Variants in BCL11A observed in about 807,000 individuals in gnomAD.
BCL11A encodes BCL11 transcription factor A.
BCL11A carries 2 observed loss-of-function variants against 55.9 expected under a neutral mutation model. The observed-to-expected ratio is 0.04, with a 90% CI of 0.01 to 0.11. BCL11A has a LOEUF of 0.11. Among genes scored for constraint, BCL11A ranks in the 10% least tolerant of loss-of-function variants. BCL11A has a pLI of 1.00. For synonymous variants in BCL11A, 465 were observed against 473.4 expected (o/e 0.98, Z 0.23); for missense variants, 817 against 1,137.1 (o/e 0.72, Z 4.05).
downstream of BCL11A, chr2:60,452,400 T>C: frequency 3.6e-6 from 2 of 550,868 alleles, no homozygotes; most frequent in Non-Finnish European, 3.2e-6. Context: ...TTAAAAAATA[T>C]AAATAAAATG....
intron 2 of BCL11A, among the ~76,000 whole-genome samples, chr2:60,498,992 G>T (rs140395592): frequency 6.6e-6 from 1 of 152,206 alleles, no homozygotes; most frequent in Non-Finnish European, 1.5e-5. Flanking sequence ...CAGGGCCAGT[G>T]TTTCTTCTTC....
chr2:60,502,502 C>T (rs1679348999), intron 2 of BCL11A, among the ~76,000 whole-genome samples: 1 of 152,218 alleles, frequency 6.6e-6, no homozygotes, highest in Non-Finnish European at 1.5e-5. Context: ...TTTGTACATA[C>T]AATTCTGGGA....
At chr2:60,525,928 C>A (rs1319403078) in intron 2 of BCL11A, 1 of 152,182 alleles carries the variant, frequency 6.6e-6, no homozygotes, top group Non-Finnish European at 1.5e-5. Context: ...ATGTTATCTT[C>A]TTCCTTCATT....
At chr2:60,494,594 A>T (rs984568671) in intron 2 of BCL11A, among the ~76,000 whole-genome samples, 119 of 152,192 alleles carry the variant, frequency 7.8e-4, no homozygotes, top group Admixed American at 3.3e-4. Flanking sequence ...ATGACAAATA[A>T]CTCCTAGCTC....
Position 60,458,659 on chromosome 2 carries a change from T to C in BCL11A, c.*1745A>G. The C allele has an allele frequency of 9.7e-7, 1 of 1,031,938 alleles. No homozygotes were observed. 63.9% of individuals were successfully genotyped at this position (1,031,938 alleles called of 1,614,324 possible). ...TCAATGAGATTGTGTTCAATTTTTT[T>C]TCAGCATTCTTGCAACTTTTCCCTT... On this transcript the variant is annotated 3_prime_UTR_variant, in exon 4 of 4. Transcript: ENST00000642384.
At chr2:60,465,400 G>GAGCAA (rs1676543702) in intron 3 of BCL11A, among the ~76,000 whole-genome samples, 1 of 152,184 alleles carries the variant, frequency 6.6e-6, no homozygotes, top group Non-Finnish European at 1.5e-5. Context: ...TACGGGGATT[G>GAGCAA]TTTTGATTTA....
At position 60,552,870 on chromosome 2, in the gene BCL11A, T is replaced by C. The variant is rs1270779515; in HGVS notation, c.55+346A>G. ...TTGTTCGCAACCTTAGCATTGTTCA[T>C]TATTTTGCAAAACTGGCGGGGCGGG... On this transcript the variant is annotated intron_variant, in intron 1 of 3. Coordinates refer to ENST00000642384, the MANE Select transcript of BCL11A (RefSeq NM_022893.4). 3.0e-5 allele frequency among the ~76,000 whole-genome samples: 4 copies of C among 131,488 alleles called. No homozygotes were observed. In the East Asian group the frequency reaches 5.9e-4, roughly 20 times the overall value. The allele number at this position is 131,488 out of a possible 152,430, so 86.3% of individuals were successfully genotyped here. A position where few individuals can be genotyped will look rare whatever the true frequency, so the allele number is the denominator to read the frequency against.
intron 3 of BCL11A, among the ~76,000 whole-genome samples, chr2:60,467,718 T>TG: frequency 1.0e-5 from 1 of 97,436 alleles, no homozygotes; most frequent in South Asian, 3.4e-4. Context: ...GTGGTGATGG[T>TG]ACTGGTGGTG....
At chr2:60,464,938 A>G (rs1485954339) in intron 3 of BCL11A, among the ~76,000 whole-genome samples, 4 of 152,364 alleles carry the variant, frequency 2.6e-5, no homozygotes, top group African/African-American at 9.6e-5. Context: ...ATCGCATTTT[A>G]GTATTCCCAT....
At chr2:60,548,133 CT>C (rs912763467) in intron 1 of BCL11A, among the ~76,000 whole-genome samples, 9 of 152,144 alleles carry the variant, frequency 5.9e-5, no homozygotes, top group African/African-American at 1.7e-4. Context: ...GAATAGGGAA[CT>C]CATTCTCAAA....
In BCL11A at chr2:60,457,952, C is replaced by CTTTT; in HGVS notation, c.*2448_*2451dup. 1.1e-6 allele frequency: 1 copy of CTTTT among 917,138 alleles called. No homozygotes were observed. Among genetic ancestry groups the CTTTT allele is most frequent in the Non-Finnish European group, 1.3e-6 (1 of 761,960 alleles). 56.8% of individuals were successfully genotyped at this position (917,138 alleles called of 1,614,324 possible). A position where few individuals can be genotyped will look rare whatever the true frequency, so the allele number is the denominator to read the frequency against. ...TAATGTCACACTTTTTTGTTTCTCT[C>CTTTT]TTTTTTTTTTTTTTGAAGCATACAA... On this transcript the variant is annotated 3_prime_UTR_variant, in exon 4 of 4. Transcript: ENST00000642384.
At chr2:60,530,950 C>T (rs1159655993) in intron 2 of BCL11A, among the ~76,000 whole-genome samples, 1 of 152,212 alleles carries the variant, frequency 6.6e-6, no homozygotes, top group Non-Finnish European at 1.5e-5. Flanking sequence ...GTTCAGGGCG[C>T]ACCCTGGGAC....
chr2:60,452,904 C>T (rs1232965288), downstream of BCL11A: 1 of 460,932 alleles, frequency 2.2e-6, no homozygotes, highest in East Asian at 3.8e-5. Context: ...GGACCCAGGT[C>T]CCCCCACCCC....
intron 3 of BCL11A, among the ~76,000 whole-genome samples, chr2:60,468,427 G>A (rs1223236736): frequency 6.6e-6 from 1 of 152,068 alleles, no homozygotes; most frequent in Non-Finnish European, 1.5e-5. Context: ...GTAATAAAAT[G>A]GGCTCCAGAG....
chr2:60,458,621 T>TA lies in BCL11A; in HGVS notation c.*1782dup. 9.7e-7 allele frequency: 1 copy of TA among 1,033,194 alleles called. No homozygotes were observed. Among genetic ancestry groups the TA allele is most frequent in the Non-Finnish European group, 1.2e-6 (1 of 858,486 alleles). 64.0% of individuals were successfully genotyped at this position (1,033,194 alleles called of 1,614,324 possible). On this transcript the variant is annotated 3_prime_UTR_variant, in exon 4 of 4. Transcript: ENST00000642384. ...GCAAAGTTTTTTTTTTTTTAGTTTTTAAAAAATGCTCCTCAATGAGATTGT... is the reference window on the plus strand; with the variant it reads ...GCAAAGTTTTTTTTTTTTTAGTTTTTAAAAAAATGCTCCTCAATGAGATTGT...
At chr2:60,451,954 T>C (rs922160948) in exon 5 of BCL11A, 1 of 228,956 alleles carries the variant, frequency 4.4e-6, no homozygotes, top group East Asian at 6.3e-5. Context: ...ATTCCCAAGT[T>C]TTGCATTTTG....
At chr2:60,510,911 G>A (rs1679944695) in intron 2 of BCL11A, among the ~76,000 whole-genome samples, 1 of 152,214 alleles carries the variant, frequency 6.6e-6, no homozygotes, top group Admixed American at 6.5e-5. Context: ...GCTGGTTTGG[G>A]GGAACCCTTG....
chr2:60,488,936 T>G lies in BCL11A; in HGVS notation c.386-20103A>C, dbSNP rs113670648. On this transcript the variant is annotated intron_variant, in intron 2 of 3. Transcript: ENST00000642384. ...CACCACACGCGGCTAATTTCTGTAT[T>G]TTTGGTAGAGACGGGGTTTCTCCAT... 1.2e-3 allele frequency among the ~76,000 whole-genome samples: 185 copies of G among 152,268 alleles called. 2 individuals are homozygous for G. Among genetic ancestry groups the G allele is most frequent in the African/African-American group, 4.3e-3 (178 of 41,544 alleles).
chr2:60,486,607 G>A (rs1434256840), intron 2 of BCL11A, among the ~76,000 whole-genome samples: 1 of 152,250 alleles, frequency 6.6e-6, no homozygotes, highest in Non-Finnish European at 1.5e-5. Flanking sequence ...GCTTTGAGAT[G>A]AATAATGCAC....
Sources: allele counts gnomAD v4.1 joint callset (sites outside exome capture counted in the v4.1 genomes callset), GRCh38; gene constraint gnomAD v4.1.1; transcripts MANE v1.5; gene names NCBI Gene and HGNC (gene_info 2026-07-23, HGNC 2026-07-21).